The following PABPN1L variants were observed in gnomAD, a reference collection of about 807,000 sequenced individuals.
The protein encoded by PABPN1L is embryonic polyadenylate-binding protein 2.
A neutral mutation model predicts 34.0 loss-of-function variants in PABPN1L; 45 were observed. The observed-to-expected ratio is 1.32, with a 90% CI of 1.04 to 1.70. The LOEUF (loss-of-function observed/expected upper bound fraction) is 1.70. PABPN1L is among the 40% of genes most tolerant of loss of function. The probability of loss-of-function intolerance (pLI) is 0.00; values close to 1 mark genes in which losing one functional copy is unlikely to be tolerated. For synonymous variants in PABPN1L, 182 were observed against 152.1 expected (o/e 1.20, Z -1.45); for missense variants, 459 against 367.8 (o/e 1.25, Z -2.03).
upstream of PABPN1L, among the ~76,000 whole-genome samples, chr16:88,868,922 C>G (rs1038871097): frequency 2.0e-5 from 3 of 152,202 alleles, no homozygotes; most frequent in Admixed American, 6.5e-5. Context: ...TAGCTCTGTC[C>G]TTTGTCCCAT....
exon 5 of PABPN1L, chr16:88,864,930 T>C (rs1215890715): frequency 1.4e-6 from 2 of 1,406,768 alleles, no homozygotes; most frequent in Admixed American, 1.8e-5. Flanking sequence ...GCAAACTCTA[T>C]GTAGGCATAA....
exon 5 of PABPN1L, chr16:88,864,863 C>G (rs752321965): frequency 6.2e-7 from 1 of 1,608,398 alleles, no homozygotes; most frequent in African/African-American, 1.3e-5. Flanking sequence ...CTTGATGACC[C>G]GGCCCCGGAA....
At chr16:88,864,080 C>T (rs987674359) in intron 6 of PABPN1L, among the ~76,000 whole-genome samples, 157 bp downstream of exon 6, 13 of 137,838 alleles carry the variant, frequency 9.4e-5, no homozygotes, top group Non-Finnish European at 2.0e-4. Flanking sequence ...AAAAGCGCCC[C>T]CCCCACCAGC....
At chr16:88,864,414 G>A in intron 5 of PABPN1L, 35 bp from the exon 6 acceptor site, 1 of 1,539,636 alleles carries the variant, frequency 6.5e-7, no homozygotes, top group Admixed American at 2.0e-5. Flanking sequence ...CCTCCTCAAG[G>A]AGCAGCCGAG....
chr16:88,863,768 A>G (rs1421028400), exon 7 of PABPN1L: 1 of 1,536,048 alleles, frequency 6.5e-7, no homozygotes, highest in Non-Finnish European at 8.7e-7. Context: ...AATACGGTGA[A>G]AACCATGGTG....
exon 1 of PABPN1L, chr16:88,866,553 G>C (rs1357306317): frequency 6.4e-7 from 1 of 1,552,630 alleles, no homozygotes; most frequent in East Asian, 2.4e-5. Flanking sequence ...AGACCGTCTG[G>C]AGCCAGGCCT....
At position 88,864,776 on chromosome 16, in the gene PABPN1L, G is replaced by C; in HGVS notation, c.654+77C>G. 3 of 1,428,762 alleles carry C rather than the reference G, an allele frequency of 2.1e-6. No individual in the cohort carries two copies. The African/African-American group carries it at 4.2e-5, about 20-fold the overall frequency. 88.5% of individuals were successfully genotyped at this position (1,428,762 alleles called of 1,614,324 possible). ...ACGCTGTGCAGAGAGGAGCCAGCTG[G>C]GGCTGCTGTGTGTCCCAGGGCCAGT... On this transcript the variant is annotated intron_variant, in intron 5 of 6. Transcript: ENST00000419291.
exon 6 of PABPN1L, chr16:88,864,284 G>C: frequency 3.9e-6 from 6 of 1,552,454 alleles, no homozygotes; most frequent in Non-Finnish European, 5.2e-6. Flanking sequence ...GGAGGCCGCT[G>C]TGGGGGAAGG....
chr16:88,865,752 G>A, intron 2 of PABPN1L, 54 bp downstream of exon 2: 2 of 1,563,332 alleles, frequency 1.3e-6, no homozygotes, highest in African/African-American at 1.4e-5. Context: ...CAACCTTAAT[G>A]GAAACTGTGG....
chr16:88,865,433 G>T, intron 3 of PABPN1L, 130 bp downstream of exon 3: 1 of 1,168,846 alleles, frequency 8.6e-7, no homozygotes, highest in Non-Finnish European at 1.2e-6. Context: ...TTTCCTCAAG[G>T]TGACGGGGCT....
exon 1 of PABPN1L, chr16:88,866,428 T>C: frequency 6.4e-7 from 1 of 1,551,498 alleles, no homozygotes. Context: ...CCCATCCTGG[T>C]CTTCCTCTGC....
At chr16:88,866,028 G>A (rs749245147) in intron 1 of PABPN1L, 87 bp from the exon 2 acceptor site, 34 of 1,467,076 alleles carry the variant, frequency 2.3e-5, no homozygotes, top group Non-Finnish European at 2.5e-5. Flanking sequence ...CTCCAGCAGA[G>A]GGTCACAGCC....
chr16:88,865,770 G>A (rs1968576513), intron 2 of PABPN1L, 36 bp downstream of exon 2: 1 of 1,582,346 alleles, frequency 6.3e-7, no homozygotes, highest in South Asian at 1.2e-5. Flanking sequence ...TGGGACCCTT[G>A]CTCAGTGGGG....
At chr16:88,867,310 C>T (rs1389573189), upstream of PABPN1L, among the ~76,000 whole-genome samples, 1 of 151,844 alleles carries the variant, frequency 6.6e-6, no homozygotes, top group Non-Finnish European at 1.5e-5. Flanking sequence ...TCACGGCAAC[C>T]TTTGCCTCCC....
upstream of PABPN1L, among the ~76,000 whole-genome samples, chr16:88,868,244 T>TA (rs1229193865): frequency 6.6e-6 from 1 of 152,172 alleles, no homozygotes; most frequent in Non-Finnish European, 1.5e-5. Flanking sequence ...TTGCCAAGGT[T>TA]AAGGGTGCAC....
chr16:88,864,143 CCCCATGAGGAACGAGCT>C (rs1382043183), intron 6 of PABPN1L, 77 bp downstream of exon 6: 6 of 1,420,782 alleles, frequency 4.2e-6, no homozygotes, highest in African/African-American at 1.4e-5. Flanking sequence ...ATTCCTGCAG[CCCCATGAGGAACGAGCT>C]CAGGGACCCC....
chr16:88,863,645 TCTC>T (rs1379375479), exon 7 of PABPN1L: 1 of 1,356,294 alleles, frequency 7.4e-7, no homozygotes, highest in African/African-American at 1.5e-5. Flanking sequence ...TGGACACCCC[TCTC>T]CTCTGGCCTC....
intron 5 of PABPN1L, 56 bp downstream of exon 5, chr16:88,864,797 C>A: frequency 6.7e-7 from 1 of 1,500,090 alleles, no homozygotes; most frequent in Non-Finnish European, 9.1e-7. Flanking sequence ...TGTCCCAGGG[C>A]CAGTGGGCCA....
upstream of PABPN1L, among the ~76,000 whole-genome samples, chr16:88,869,484 G>C (rs1168448111): frequency 6.6e-6 from 1 of 152,218 alleles, no homozygotes; most frequent in African/African-American, 2.4e-5. Flanking sequence ...CAGTGTTGAT[G>C]ACTTGGCCAG....
Sources: gnomAD v4.1 joint callset for allele counts (sites outside exome capture counted in the v4.1 genomes callset) on GRCh38, gnomAD v4.1.1 for gene constraint, MANE v1.5 for transcripts, NCBI Gene and HGNC (gene_info 2026-07-23, HGNC 2026-07-21) for gene names.